Variants in HTR7 observed in about 807,000 individuals in gnomAD.
The protein encoded by HTR7 is 5-hydroxytryptamine receptor 7, also known as 5-HT-7.
Under a neutral mutation model 34.0 loss-of-function variants are expected in HTR7, and 16 were observed. The observed-to-expected ratio is 0.47, with a 90% confidence interval of 0.32 to 0.71. The LOEUF is 0.71. HTR7 is among the 30% of genes least tolerant of loss of function. The probability of loss-of-function intolerance (pLI) is 0.04; values close to 1 mark genes in which losing one functional copy is unlikely to be tolerated. For synonymous variants in HTR7, 265 were observed against 260.2 expected, an observed-to-expected ratio of 1.02 and a Z score of -0.18; for missense variants, 504 against 625.5, an observed-to-expected ratio of 0.81 and a Z score of 2.07.
chr10:90,784,992 A>G (rs144608315), intron 1 of HTR7, among the ~76,000 whole-genome samples: 1,648 of 152,296 alleles, frequency 0.011, 18 homozygotes, highest in South Asian at 0.027. Context: ...CATTTTTTAG[A>G]TATCAGCTAG....
chr10:90,769,654 C>T (rs1024413198), intron 1 of HTR7, among the ~76,000 whole-genome samples: 10 of 151,984 alleles, frequency 6.6e-5, no homozygotes, highest in Non-Finnish European at 1.2e-4. Context: ...ACCAAATATG[C>T]ACTTTAAAAT....
intron 1 of HTR7, among the ~76,000 whole-genome samples, chr10:90,775,519 G>A (rs370962959): frequency 1.3e-5 from 2 of 152,182 alleles, no homozygotes; most frequent in South Asian, 2.1e-4. Context: ...CATCACACAC[G>A]CAAGGGGAAA....
chr10:90,811,771 A>G (rs531161417), intron 1 of HTR7, among the ~76,000 whole-genome samples: 10 of 152,154 alleles, frequency 6.6e-5, no homozygotes, highest in African/African-American at 2.2e-4. Context: ...AAACTAAAAT[A>G]CCTCTTATTC....
At chr10:90,803,587 G>A (rs1444185972) in intron 1 of HTR7, among the ~76,000 whole-genome samples, 4 of 152,196 alleles carry the variant, frequency 2.6e-5, no homozygotes, top group Non-Finnish European at 4.4e-5. Flanking sequence ...TCGGGAGACC[G>A]CCTTTTCCTG....
At chr10:90,788,300 C>A (rs1845412206) in intron 1 of HTR7, among the ~76,000 whole-genome samples, 2 of 152,070 alleles carry the variant, frequency 1.3e-5, no homozygotes, top group African/African-American at 2.4e-5. Flanking sequence ...ATTCCAAGCC[C>A]AAAATAGATC....
intron 1 of HTR7, among the ~76,000 whole-genome samples, chr10:90,843,346 T>C (rs148866191): frequency 6.6e-6 from 1 of 152,346 alleles, no homozygotes; most frequent in East Asian, 1.9e-4. Context: ...ATCATGACTT[T>C]ATTACAGTTA....
intron 1 of HTR7, among the ~76,000 whole-genome samples, chr10:90,755,890 T>C (rs774811283): frequency 2.0e-5 from 3 of 152,162 alleles, no homozygotes; most frequent in African/African-American, 4.8e-5. Flanking sequence ...TTAACCAAAA[T>C]ACACATACAA....
rs1375212896 is a variant in HTR7 at position 90,742,527 on chromosome 10, G to A, written c.1395C>T (p.Asp465=). ...TTTTTTCTACAGTAGTCAGCATTTT[G>A]TCTAAAAAAAAGAGAGAGAAAAATA... is the stretch of plus-strand genomic sequence containing the variant. ...QSPDHHNWLA[D]KMLTTVEKKV... Residue 465 remains aspartate, a splice_region_variant and synonymous_variant, in exon 4 of 4, where the codon GAC becomes GAT. Coordinates refer to ENST00000336152, the MANE Select transcript of HTR7 (RefSeq NM_019859.4). The A allele has an allele frequency of 2.5e-6, 4 of 1,582,088 alleles. No homozygotes were observed. Among genetic ancestry groups the A allele is most frequent in the Non-Finnish European group, 3.4e-6 (4 of 1,161,082 alleles).
At chr10:90,743,992 G>A in intron 2 of HTR7, 1 of 543,198 alleles carries the variant, frequency 1.8e-6, no homozygotes, top group Non-Finnish European at 3.6e-6. Flanking sequence ...TTTGGGAGTA[G>A]GAACAGTCTT....
chr10:90,845,845 G>A (rs1322631227), intron 1 of HTR7, among the ~76,000 whole-genome samples: 1 of 152,150 alleles, frequency 6.6e-6, no homozygotes, highest in Non-Finnish European at 1.5e-5. Context: ...CTTTCCCCCT[G>A]GACCCTTCAC....
chr10:90,825,436 A>G (rs532039102), intron 1 of HTR7, among the ~76,000 whole-genome samples: 11 of 152,330 alleles, frequency 7.2e-5, no homozygotes, highest in African/African-American at 2.6e-4. Context: ...TAACTCTTCA[A>G]TGCACAAACA....
At chr10:90,833,427 A>G (rs1009035018) in intron 1 of HTR7, among the ~76,000 whole-genome samples, 2 of 152,246 alleles carry the variant, frequency 1.3e-5, no homozygotes, top group Admixed American at 1.3e-4. Flanking sequence ...GACTCTGGGT[A>G]ACCTGATTAA....
chr10:90,772,119 C>G (rs976183468), intron 1 of HTR7, among the ~76,000 whole-genome samples: 1 of 152,026 alleles, frequency 6.6e-6, no homozygotes, highest in African/African-American at 2.4e-5. Flanking sequence ...TATATTCAGA[C>G]AGTAGTCAAA....
intron 1 of HTR7, among the ~76,000 whole-genome samples, chr10:90,758,314 C>T (rs1203402632): frequency 1.9e-5 from 2 of 105,536 alleles, no homozygotes; most frequent in East Asian, 3.2e-4. Flanking sequence ...CACTGCACTC[C>T]AGCCTGGGCG....
At chr10:90,799,772 G>T (rs1055339550) in intron 1 of HTR7, among the ~76,000 whole-genome samples, 2 of 152,086 alleles carry the variant, frequency 1.3e-5, no homozygotes, top group East Asian at 3.8e-4. Flanking sequence ...CATTCTGACT[G>T]GTCAGTGGTG....
At chr10:90,855,438 A>G (rs570053803) in intron 1 of HTR7, among the ~76,000 whole-genome samples, 2 of 152,230 alleles carry the variant, frequency 1.3e-5, no homozygotes, top group African/African-American at 4.8e-5. Context: ...TTATTTATGT[A>G]TCATTTATCA....
chr10:90,808,173 C>A (rs1486636389), intron 1 of HTR7, among the ~76,000 whole-genome samples: 1 of 152,276 alleles, frequency 6.6e-6, no homozygotes, highest in African/African-American at 2.4e-5. Flanking sequence ...GGTCCTTCAC[C>A]CTTAGCGGCA....
intron 1 of HTR7, among the ~76,000 whole-genome samples, chr10:90,850,201 G>A (rs1337692409): frequency 6.6e-6 from 1 of 152,232 alleles, no homozygotes; most frequent in Admixed American, 6.5e-5. Context: ...AAGGCAGGAG[G>A]CTAAGAAGCC....
chr10:90,842,673 C>T (rs1352738084), intron 1 of HTR7, among the ~76,000 whole-genome samples: 1 of 150,816 alleles, frequency 6.6e-6, no homozygotes, highest in African/African-American at 2.4e-5. Flanking sequence ...CCATGGCTTT[C>T]TTTCTGGGAT....
Sources: gnomAD v4.1 joint callset for allele counts (sites outside exome capture counted in the v4.1 genomes callset) on GRCh38, gnomAD v4.1.1 for gene constraint, MANE v1.5 for transcripts, NCBI Gene and HGNC (gene_info 2026-07-23, HGNC 2026-07-21) for gene names.